TMC1: variants seen among roughly 807,000 people sequenced by gnomAD.
TMC1 encodes the protein transmembrane channel-like protein 1.
TMC1 carries 84 observed loss-of-function variants against 105.8 expected under a neutral mutation model. The observed-to-expected ratio is 0.79, with a 90% CI of 0.67 to 0.95. TMC1 has a LOEUF of 0.95. Among genes scored for constraint, TMC1 ranks in the 40% least tolerant of loss-of-function variants. TMC1 has a pLI of 0.00. For missense variants in TMC1, 817 were observed against 914.1 expected (o/e 0.89, Z 1.37); for synonymous variants, 315 against 311.5 (o/e 1.01, Z -0.12).
chr9:72,599,006 C>T (rs1467111788), intron 2 of TMC1, among the ~76,000 whole-genome samples: 1 of 152,086 alleles, frequency 6.6e-6, no homozygotes, highest in Non-Finnish European at 1.5e-5. Flanking sequence ...GAGGGAATGC[C>T]AGGGAGAAAT....
intron 1 of TMC1, among the ~76,000 whole-genome samples, chr9:72,562,059 A>G (rs1179307845): frequency 1.3e-5 from 2 of 152,186 alleles, no homozygotes; most frequent in Non-Finnish European, 1.5e-5. Flanking sequence ...ACAAGTCAAC[A>G]GTAATTACAA....
At chr9:72,810,000 A>G (rs1204618883) in intron 18 of TMC1, among the ~76,000 whole-genome samples, 1 of 152,080 alleles carries the variant, frequency 6.6e-6, no homozygotes, top group Non-Finnish European at 1.5e-5. Context: ...AAATGCAGAC[A>G]CAGAGGAGGA....
chr9:72,593,644 G>A (rs559757653), intron 2 of TMC1, among the ~76,000 whole-genome samples: 2 of 151,480 alleles, frequency 1.3e-5, no homozygotes, highest in East Asian at 1.9e-4. Flanking sequence ...TGCCCACCTC[G>A]GCCTCCCAAA....
At chr9:72,616,043 C>T (rs938339344) in intron 2 of TMC1, among the ~76,000 whole-genome samples, 3 of 152,082 alleles carry the variant, frequency 2.0e-5, no homozygotes, top group Admixed American at 1.3e-4. Context: ...CCACCGTGCC[C>T]GCTATTGACC....
chr9:72,524,113 T>C (rs1823361967), intron 1 of TMC1, among the ~76,000 whole-genome samples: 2 of 152,208 alleles, frequency 1.3e-5, no homozygotes, highest in Non-Finnish European at 2.9e-5. Context: ...GTAGCATCTT[T>C]TATTTCTTCA....
At chr9:72,586,875 C>G (rs1008934110) in intron 2 of TMC1, among the ~76,000 whole-genome samples, 4 of 152,136 alleles carry the variant, frequency 2.6e-5, no homozygotes, top group Admixed American at 2.0e-4. Flanking sequence ...ACAGGAGTAT[C>G]TATTAAGGCT....
At chr9:72,805,607 G>C in intron 18 of TMC1, 97 bp downstream of exon 18, 1 of 1,180,380 alleles carries the variant, frequency 8.5e-7, no homozygotes, top group South Asian at 1.4e-5. Flanking sequence ...GATTTGGCAG[G>C]GTCATAGGAC....
Position 72,805,401 on chromosome 9 carries a change from T to A in TMC1, c.1586T>A (p.Val529Asp), listed in dbSNP as rs761621035. The A allele has an allele frequency of 1.4e-5, 23 of 1,613,890 alleles. No homozygotes were observed. Among genetic ancestry groups the A allele is most frequent in the Non-Finnish European group, 1.9e-5 (22 of 1,179,942 alleles). Reference protein sequence around the residue: ...MVGQEFVRLTVSDVLTTYVTI... With the variant: ...MVGQEFVRLTDSDVLTTYVTI... ...CAACAGGAGTTTGTGAGGCTGACAGTCTCTGATGTTCTGACCACCTACGTC... is the reference window on the plus strand; with the variant it reads ...CAACAGGAGTTTGTGAGGCTGACAGACTCTGATGTTCTGACCACCTACGTC... Residue 529 changes from valine to aspartate, a missense_variant, in exon 18 of 24, where the codon GTC becomes GAC. By Grantham distance (152) the Val-to-Asp change is radical (BLOSUM62 -3). Coordinates refer to ENST00000297784, the MANE Select transcript of TMC1 (RefSeq NM_138691.3).
chr9:72,618,937 C>T lies in TMC1; in HGVS notation c.-196+2460C>T, dbSNP rs184066869. 4.7e-4 allele frequency among the ~76,000 whole-genome samples: 71 copies of T among 152,242 alleles called. No individual in the cohort carries two copies. In the East Asian group the frequency reaches 8.5e-3, roughly 18 times the overall value. ...CAAATTCAGTCTCCTGAATAGAACT[C>T]GCAACAATTACCAAGCCAGTAGCAA... On this transcript the variant is annotated intron_variant, in intron 3 of 23. Coordinates refer to ENST00000297784, the MANE Select transcript of TMC1 (RefSeq NM_138691.3).
intron 2 of TMC1, among the ~76,000 whole-genome samples, chr9:72,592,515 CCCT>C (rs1315880167): frequency 6.6e-6 from 1 of 152,198 alleles, no homozygotes; most frequent in East Asian, 1.9e-4. Context: ...GGCTGCCTCT[CCCT>C]CCTCCTTCAG....
At chr9:72,789,350 A>G (rs1457854105) in intron 15 of TMC1, 33 bp downstream of exon 15, 2 of 1,598,686 alleles carry the variant, frequency 1.3e-6, no homozygotes, top group African/African-American at 1.3e-5. Context: ...TGTGCTTAGA[A>G]CCTGACATTT....
chr9:72,526,438 C>G (rs17556104), intron 1 of TMC1, among the ~76,000 whole-genome samples: 2,768 of 152,254 alleles, frequency 0.018, 31 homozygotes, highest in Middle Eastern at 0.071. Flanking sequence ...GAAGATGCTA[C>G]TTAATCATGT....
chr9:72,681,822 C>G (rs912438525), intron 5 of TMC1, among the ~76,000 whole-genome samples: 1 of 152,142 alleles, frequency 6.6e-6, no homozygotes, highest in Non-Finnish European at 1.5e-5. Flanking sequence ...TCTGTGACCT[C>G]AGAGTAAAAT....
intron 5 of TMC1, among the ~76,000 whole-genome samples, chr9:72,666,579 G>T (rs1826046210): frequency 6.6e-6 from 1 of 152,148 alleles, no homozygotes; most frequent in African/African-American, 2.4e-5. Context: ...TATAACTATT[G>T]TTAATATTAT....
chr9:72,573,502 C>T (rs556763793), intron 1 of TMC1, among the ~76,000 whole-genome samples: 7 of 152,278 alleles, frequency 4.6e-5, no homozygotes, highest in African/African-American at 1.7e-4. Flanking sequence ...GAATGAAGGA[C>T]AAAAGGGGCA....
chr9:72,715,892 G>A (rs996703937), intron 8 of TMC1, among the ~76,000 whole-genome samples: 12 of 152,156 alleles, frequency 7.9e-5, no homozygotes, highest in African/African-American at 2.4e-4. Context: ...CCCCATCTTC[G>A]TGGATTTATC....
At chr9:72,772,341 C>T in intron 12 of TMC1, 72 bp from the exon 13 acceptor site, 2 of 1,591,866 alleles carry the variant, frequency 1.3e-6, no homozygotes, top group Non-Finnish European at 1.7e-6. Flanking sequence ...TGTTATTTCT[C>T]TTAAGAGTTG....
intron 2 of TMC1, among the ~76,000 whole-genome samples, chr9:72,590,716 G>C (rs1275824930): frequency 2.0e-5 from 3 of 152,188 alleles, no homozygotes; most frequent in Non-Finnish European, 4.4e-5. Context: ...TGGCACCTGT[G>C]ATGAGTCACA....
chr9:72,745,761 G>A (rs1432567591), intron 10 of TMC1, among the ~76,000 whole-genome samples: 1 of 152,112 alleles, frequency 6.6e-6, no homozygotes, highest in Admixed American at 6.5e-5. Context: ...GGAAGAAATA[G>A]GACATGCAAT....
Sources: gnomAD v4.1 joint callset for allele counts (sites outside exome capture counted in the v4.1 genomes callset) on GRCh38, gnomAD v4.1.1 for gene constraint, MANE v1.5 for transcripts, NCBI Gene and HGNC (gene_info 2026-07-23, HGNC 2026-07-21) for gene names.